RARB: variants seen among roughly 807,000 people sequenced by gnomAD.
RARB encodes retinoic acid receptor beta.
Under a neutral mutation model 51.9 loss-of-function variants are expected in RARB, and 17 were observed. That is an observed-to-expected ratio of 0.33 (90% CI 0.22 to 0.49). The LOEUF is 0.49. RARB is among the 20% of genes least tolerant of loss of function. The probability of loss-of-function intolerance (pLI) is 0.99; values close to 1 mark genes in which losing one functional copy is unlikely to be tolerated. For synonymous variants in RARB, 215 were observed against 195.4 expected (o/e 1.10, Z -0.84); for missense variants, 369 against 550.8 (o/e 0.67, Z 3.30).
intron 3 of RARB, among the ~76,000 whole-genome samples, chr3:25,083,816 G>A (rs1354741425): frequency 6.6e-6 from 1 of 152,018 alleles, no homozygotes; most frequent in African/African-American, 2.4e-5. Flanking sequence ...CTTTCAACTT[G>A]GTTTTAGGCT....
At chr3:25,450,903 G>A (rs535530197) in intron 1 of RARB, among the ~76,000 whole-genome samples, 1 of 152,300 alleles carries the variant, frequency 6.6e-6, no homozygotes, top group South Asian at 2.1e-4. Flanking sequence ...TGGCTAACAT[G>A]GTGAAACCCG....
chr3:25,368,392 A>G (rs930678207), intron 5 of RARB, among the ~76,000 whole-genome samples: 2 of 152,160 alleles, frequency 1.3e-5, no homozygotes, highest in Non-Finnish European at 2.9e-5. Context: ...CTACTTGGAG[A>G]AAAACTTAGT....
At chr3:25,516,936 C>T (rs1170580665) in intron 3 of RARB, among the ~76,000 whole-genome samples, 2 of 152,228 alleles carry the variant, frequency 1.3e-5, no homozygotes, top group East Asian at 3.9e-4. Flanking sequence ...TTCCTTGTCC[C>T]TTTTATTTTT....
chr3:25,549,379 G>T (rs982865932), intron 3 of RARB, among the ~76,000 whole-genome samples: 8 of 152,128 alleles, frequency 5.3e-5, no homozygotes, highest in African/African-American at 1.9e-4. Flanking sequence ...TGATGGGCCA[G>T]TACTAACAAG....
intron 2 of RARB, among the ~76,000 whole-genome samples, chr3:25,005,718 G>T (rs543293077): frequency 6.6e-6 from 1 of 152,062 alleles, no homozygotes; most frequent in East Asian, 1.9e-4. Context: ...TACTCGAAGC[G>T]GAAATCAATG....
intron 2 of RARB, among the ~76,000 whole-genome samples, chr3:25,498,011 A>C (rs1697125230): frequency 6.6e-6 from 1 of 152,172 alleles, no homozygotes; most frequent in South Asian, 2.1e-4. Context: ...TTCAGCAAGA[A>C]GTGAGGAGGG....
At chr3:24,940,376 C>G (rs1695637333) in intron 2 of RARB, among the ~76,000 whole-genome samples, 1 of 152,058 alleles carries the variant, frequency 6.6e-6, no homozygotes, top group Admixed American at 6.5e-5. Context: ...AGAGGAGATT[C>G]AGTGTGGAAA....
chr3:25,463,443 T>A (rs1389008745), intron 2 of RARB, among the ~76,000 whole-genome samples: 1 of 152,006 alleles, frequency 6.6e-6, no homozygotes, highest in African/African-American at 2.4e-5. Context: ...GGCAGGCAGA[T>A]CACGAAGTCA....
At chr3:24,999,920 AC>A (rs1352224418) in intron 2 of RARB, among the ~76,000 whole-genome samples, 1 of 152,026 alleles carries the variant, frequency 6.6e-6, no homozygotes, top group East Asian at 1.9e-4. Context: ...TAAAAAAGAG[AC>A]CCCTTTACTC....
At chr3:25,381,317 G>A (rs1342913173) in intron 5 of RARB, among the ~76,000 whole-genome samples, 1 of 152,202 alleles carries the variant, frequency 6.6e-6, no homozygotes, top group Non-Finnish European at 1.5e-5. Flanking sequence ...AAGAAAGGGG[G>A]TTGAAGGGAG....
chr3:25,205,655 A>G (rs1338010232), intron 5 of RARB, among the ~76,000 whole-genome samples: 3 of 152,022 alleles, frequency 2.0e-5, no homozygotes, highest in African/African-American at 7.2e-5. Context: ...TATGCACTGT[A>G]TGCCCATATC....
intron 2 of RARB, among the ~76,000 whole-genome samples, chr3:24,918,043 C>T (rs754904127): frequency 6.6e-6 from 1 of 152,190 alleles, no homozygotes; most frequent in Non-Finnish European, 1.5e-5. Context: ...AAGTCCACAC[C>T]TAGCATGCTA....
At chr3:25,509,614 C>T (rs1275041801) in intron 3 of RARB, among the ~76,000 whole-genome samples, 4 of 152,182 alleles carry the variant, frequency 2.6e-5, no homozygotes, top group South Asian at 2.1e-4. Flanking sequence ...CCAGGTGGCT[C>T]ATTTGCCCAG....
chr3:25,380,682 T>G (rs1435417254), intron 5 of RARB, among the ~76,000 whole-genome samples: 1 of 152,190 alleles, frequency 6.6e-6, no homozygotes, highest in Non-Finnish European at 1.5e-5. Flanking sequence ...TTGCGAAATA[T>G]TCTAAAGATG....
intron 1 of RARB, among the ~76,000 whole-genome samples, chr3:25,431,276 G>C (rs1708197049): frequency 6.6e-6 from 1 of 152,068 alleles, no homozygotes; most frequent in Non-Finnish European, 1.5e-5. Context: ...TGGTGTGTGT[G>C]TGTATGCATA....
At chr3:25,440,643 C>T (rs528120492) in intron 1 of RARB, among the ~76,000 whole-genome samples, 121 of 151,766 alleles carry the variant, frequency 8.0e-4, no homozygotes, top group African/African-American at 2.7e-3. Flanking sequence ...TGGTGGTGCC[C>T]GCGCCTGTAG....
At chr3:25,147,963 A>G (rs1340359575) in intron 4 of RARB, among the ~76,000 whole-genome samples, 1 of 152,236 alleles carries the variant, frequency 6.6e-6, no homozygotes, top group Admixed American at 6.5e-5. Flanking sequence ...AGGTAGGAAA[A>G]TATTGGAGGG....
At chr3:25,147,144 C>T (rs1232256289) in intron 4 of RARB, among the ~76,000 whole-genome samples, 1 of 152,108 alleles carries the variant, frequency 6.6e-6, no homozygotes, top group Non-Finnish European at 1.5e-5. Context: ...ACACAATTTC[C>T]AGAGGTATTT....
chr3:25,503,833 A>C (rs1192407159), intron 3 of RARB, among the ~76,000 whole-genome samples: 1 of 152,202 alleles, frequency 6.6e-6, no homozygotes, highest in Non-Finnish European at 1.5e-5. Context: ...ATACTCATAG[A>C]ATGTTAGAAG....
Sources: allele counts gnomAD v4.1 joint callset (sites outside exome capture counted in the v4.1 genomes callset), GRCh38; gene constraint gnomAD v4.1.1; transcripts MANE v1.5; gene names NCBI Gene and HGNC (gene_info 2026-07-23, HGNC 2026-07-21).